The following FSTL5 variants were observed in gnomAD, a reference collection of about 807,000 sequenced individuals.
The protein encoded by FSTL5 is follistatin like 5.
FSTL5 carries 62 observed loss-of-function variants against 89.1 expected under a neutral mutation model. The ratio of observed to expected loss-of-function variants is 0.70; its 90% CI spans 0.57 to 0.86. The LOEUF (loss-of-function observed/expected upper bound fraction) is 0.86. Ranked by LOEUF, FSTL5 falls within the 40% of genes least tolerant of loss-of-function variation. FSTL5 has a pLI of 0.00. For synonymous variants in FSTL5, 383 were observed against 346.2 expected (o/e 1.11, Z -1.18); for missense variants, 1,057 against 1,001.6 (o/e 1.06, Z -0.75).
In FSTL5 at chr4:161,570,644, G is replaced by C. The variant is rs180846247; in HGVS notation, c.1015+16811C>G. ...AAATAATTAAGAAAAATTCCTAATA[G>C]TTCAGAGATCTTTATCAAGTGTTTA... On this transcript the variant is annotated intron_variant, in intron 8 of 15. Transcript: ENST00000306100. 1.8e-4 allele frequency among the ~76,000 whole-genome samples: 27 copies of C among 152,294 alleles called. 1 individual carries two copies. The highest frequency in any genetic ancestry group is 6.0e-4 in the African/African-American group (25 of 41,576).
chr4:161,906,529 C>T lies in FSTL5; in HGVS notation c.409+13875G>A, dbSNP rs74812550. On this transcript the variant is annotated intron_variant, in intron 4 of 15. Coordinates refer to ENST00000306100, the MANE Select transcript of FSTL5 (RefSeq NM_020116.5). ...TATAAATGGCATCCCTGCCCAGCCT[C>T]TTCAAAAAACCACTCTGTAAGGATG... Among the ~76,000 whole-genome samples the T allele has an allele frequency of 9.4e-3, 1,428 of 152,178 alleles. 26 individuals carry two copies. The highest frequency in any genetic ancestry group is 0.033 in the African/African-American group (1,354 of 41,522).
intron 3 of FSTL5, among the ~76,000 whole-genome samples, chr4:161,972,209 A>G (rs977844471): frequency 5.9e-5 from 9 of 152,146 alleles, no homozygotes; most frequent in African/African-American, 1.7e-4. Context: ...CTCCTGCCTC[A>G]GCCTCACGAA....
intron 4 of FSTL5, among the ~76,000 whole-genome samples, chr4:161,883,144 G>C (rs1207189073): frequency 1.3e-5 from 2 of 152,114 alleles, no homozygotes; most frequent in Non-Finnish European, 2.9e-5. Context: ...GAAGATAAAA[G>C]TCTGAAAATA....
Position 161,878,078 on chromosome 4 carries a change from C to T in FSTL5, c.409+42326G>A, listed in dbSNP as rs567028881. Among the ~76,000 whole-genome samples, 144 of 151,736 alleles carry T rather than the reference C, an allele frequency of 9.5e-4. 1 individual carries two copies. Among genetic ancestry groups the T allele is most frequent in the Non-Finnish European group, 1.3e-3 (88 of 67,894 alleles). On this transcript the variant is annotated intron_variant, in intron 4 of 15. Coordinates refer to ENST00000306100, the MANE Select transcript of FSTL5 (RefSeq NM_020116.5). Reference sequence around the variant, plus strand: ...TAAAGTACAGCAAAAAGTTTGAATCCCACATAAAAAATTTTCTGCTCTTGA... The same window carrying T: ...TAAAGTACAGCAAAAAGTTTGAATCTCACATAAAAAATTTTCTGCTCTTGA...
rs1218492100 is a variant in FSTL5 at position 161,528,449 on chromosome 4, GAC to G, written c.1312+9715_1312+9716del. ...TGATTTACTCTATCTGACTTATTCA[GAC>G]ACAGTCAGCCTTTATCAGAATTCTG... On this transcript the variant is annotated intron_variant, in intron 10 of 15. Transcript: ENST00000306100. Among the ~76,000 whole-genome samples the G allele has an allele frequency of 2.5e-4, 36 of 143,390 alleles. 6 individuals are homozygous for G. Among genetic ancestry groups the G allele is most frequent in the South Asian group, 4.8e-4 (2 of 4,166 alleles). The allele number at this position is 143,390 out of a possible 152,430, so 94.1% of individuals were successfully genotyped here.
At chr4:161,789,413 T>A (rs1358253388) in intron 4 of FSTL5, among the ~76,000 whole-genome samples, 3 of 152,114 alleles carry the variant, frequency 2.0e-5, no homozygotes, top group Non-Finnish European at 4.4e-5. Context: ...TATTACCCTA[T>A]AAATTTCAAA....
chr4:161,883,615 T>C (rs910040691), intron 4 of FSTL5, among the ~76,000 whole-genome samples: 4 of 152,208 alleles, frequency 2.6e-5, no homozygotes, highest in African/African-American at 9.7e-5. Context: ...TCCTAGGCTA[T>C]GTTAACATTT....
chr4:161,706,445 T>G (rs181226786), intron 6 of FSTL5, among the ~76,000 whole-genome samples: 2 of 152,156 alleles, frequency 1.3e-5, no homozygotes, highest in South Asian at 4.1e-4. Flanking sequence ...ATAAAAACGT[T>G]ATTGAATTAT....
intron 7 of FSTL5, among the ~76,000 whole-genome samples, chr4:161,599,871 T>C (rs975802491): frequency 6.6e-6 from 1 of 152,062 alleles, no homozygotes; most frequent in African/African-American, 2.4e-5. Context: ...TGTGCACATG[T>C]ACTCCAGAAC....
intron 4 of FSTL5, among the ~76,000 whole-genome samples, chr4:161,845,930 C>T (rs1436330763): frequency 3.3e-5 from 5 of 151,886 alleles, no homozygotes; most frequent in African/African-American, 1.2e-4. Flanking sequence ...CCTGTAATCC[C>T]AGCTATACAG....
At chr4:161,643,037 T>G (rs1044915730) in intron 7 of FSTL5, among the ~76,000 whole-genome samples, 2 of 152,222 alleles carry the variant, frequency 1.3e-5, no homozygotes, top group African/African-American at 4.8e-5. Context: ...ACATGTTGGT[T>G]TATATAAGTC....
At chr4:161,889,002 T>C (rs1347345255) in intron 4 of FSTL5, among the ~76,000 whole-genome samples, 1 of 152,146 alleles carries the variant, frequency 6.6e-6, no homozygotes, top group African/African-American at 2.4e-5. Flanking sequence ...TTTCTGATAT[T>C]AGGTGTGTTA....
At chr4:161,745,913 T>C (rs1740186722) in intron 6 of FSTL5, among the ~76,000 whole-genome samples, 1 of 152,180 alleles carries the variant, frequency 6.6e-6, no homozygotes, top group Admixed American at 6.5e-5. Context: ...TTTAGTTTGC[T>C]CAACTAACTT....
chr4:162,051,122 GGTTCAAATAGGA>G, intron 2 of FSTL5, among the ~76,000 whole-genome samples: 1 of 151,334 alleles, frequency 6.6e-6, no homozygotes, highest in Non-Finnish European at 1.5e-5. Flanking sequence ...ATGTGTACTT[GGTTCAAATAGGA>G]AACAAAATAA....
At chr4:161,652,305 C>T (rs569109233) in intron 7 of FSTL5, among the ~76,000 whole-genome samples, 1 of 152,162 alleles carries the variant, frequency 6.6e-6, no homozygotes, top group South Asian at 2.1e-4. Context: ...TGCGGTGGCT[C>T]ACATCTGTAG....
At chr4:162,131,677 G>C (rs1481676315) in intron 1 of FSTL5, among the ~76,000 whole-genome samples, 1 of 152,176 alleles carries the variant, frequency 6.6e-6, no homozygotes, top group Non-Finnish European at 1.5e-5. Context: ...CCCTGGGCTA[G>C]AAAGACATAA....
At chr4:161,411,461 C>T (rs1731588122) in intron 15 of FSTL5, among the ~76,000 whole-genome samples, 1 of 151,964 alleles carries the variant, frequency 6.6e-6, no homozygotes, top group African/African-American at 2.4e-5. Flanking sequence ...AAATAAAATC[C>T]AGTAGCATAT....
At chr4:161,926,311 A>C (rs1560920483) in intron 3 of FSTL5, among the ~76,000 whole-genome samples, 1 of 151,762 alleles carries the variant, frequency 6.6e-6, no homozygotes, top group Non-Finnish European at 1.5e-5. Context: ...TAGTTCAGTG[A>C]GTTTGAACCC....
chr4:162,032,773 C>T (rs1737586474), intron 3 of FSTL5: 2 of 152,066 alleles, frequency 1.3e-5, no homozygotes, highest in Non-Finnish European at 2.9e-5. Context: ...TAAACTACTT[C>T]ATATTTATTT....
Sources: allele counts gnomAD v4.1 joint callset (sites outside exome capture counted in the v4.1 genomes callset), GRCh38; gene constraint gnomAD v4.1.1; transcripts MANE v1.5; gene names NCBI Gene and HGNC (gene_info 2026-07-23, HGNC 2026-07-21).